GALNTL6: variants seen among roughly 807,000 people sequenced by gnomAD.
The protein encoded by GALNTL6 is polypeptide N-acetylgalactosaminyltransferase like 6, also known as polypeptide N-acetylgalactosaminyltransferase-like 6.
In GALNTL6, 46 loss-of-function variants were observed where a neutral mutation model predicts 73.7. The observed-to-expected ratio is 0.62, with a 90% confidence interval of 0.49 to 0.80. GALNTL6 has a LOEUF of 0.80. Among genes scored for constraint, GALNTL6 ranks in the 30% least tolerant of loss-of-function variants. The pLI is 0.00. For synonymous variants in GALNTL6, 259 were observed against 263.7 expected, an observed-to-expected ratio of 0.98 and a Z score of 0.17; for missense variants, 604 against 755.0, an observed-to-expected ratio of 0.80 and a Z score of 2.34.
chr4:172,647,188 T>C (rs1182098625), intron 5 of GALNTL6, among the ~76,000 whole-genome samples: 1 of 152,056 alleles, frequency 6.6e-6, no homozygotes, highest in Non-Finnish European at 1.5e-5. Flanking sequence ...CCTCATTCCC[T>C]TTCACCCAGA....
chr4:171,986,966 C>G (rs574553355), intron 2 of GALNTL6, among the ~76,000 whole-genome samples: 1 of 152,106 alleles, frequency 6.6e-6, no homozygotes, highest in Admixed American at 6.5e-5. Context: ...TAAACAAGAG[C>G]AGGGCATGTA....
chr4:172,852,424 G>A (rs189264690), intron 7 of GALNTL6, among the ~76,000 whole-genome samples: 284 of 152,192 alleles, frequency 1.9e-3, no homozygotes, highest in Non-Finnish European at 2.1e-3. Context: ...CCCACATCCC[G>A]TTGACTTAAA....
intron 2 of GALNTL6, among the ~76,000 whole-genome samples, chr4:172,005,493 C>G (rs1052090504): frequency 2.6e-5 from 4 of 151,950 alleles, no homozygotes; most frequent in Admixed American, 2.0e-4. Context: ...GAGAATAAAC[C>G]CTACACTACA....
At chr4:171,961,085 C>T (rs955281237) in intron 2 of GALNTL6, among the ~76,000 whole-genome samples, 15 of 152,050 alleles carry the variant, frequency 9.9e-5, no homozygotes, top group Non-Finnish European at 4.4e-5. Context: ...TGGAAAACCA[C>T]AAAAGGAAAA....
intron 7 of GALNTL6, among the ~76,000 whole-genome samples, chr4:172,826,921 C>A (rs938635613): frequency 1.3e-5 from 2 of 152,360 alleles, no homozygotes; most frequent in Middle Eastern, 3.4e-3. Context: ...GCTCACCTTT[C>A]CTCCATTCTC....
At chr4:172,975,141 G>T (rs888807265) in intron 10 of GALNTL6, among the ~76,000 whole-genome samples, 2 of 152,202 alleles carry the variant, frequency 1.3e-5, no homozygotes, top group African/African-American at 4.8e-5. Context: ...TTTTTGTCCT[G>T]CATCCAGGAA....
intron 5 of GALNTL6, among the ~76,000 whole-genome samples, chr4:172,543,736 C>T (rs901249921): frequency 5.3e-5 from 8 of 152,154 alleles, no homozygotes; most frequent in Non-Finnish European, 8.8e-5. Flanking sequence ...TTTGCCCTTC[C>T]GCTATCTGTA....
intron 5 of GALNTL6, among the ~76,000 whole-genome samples, chr4:172,378,303 A>G (rs1389095609): frequency 6.6e-6 from 1 of 152,208 alleles, no homozygotes; most frequent in Non-Finnish European, 1.5e-5. Flanking sequence ...AGGGAAGCCG[A>G]TTCAAGGAAA....
At position 172,126,726 on chromosome 4, in the gene GALNTL6, A is replaced by T. The variant is rs538267670; in HGVS notation, c.139-102930A>T. On this transcript the variant is annotated intron_variant, in intron 2 of 12. Transcript: ENST00000506823. ...GCATTGCTCAAGAGAGGGAGCTCAC[A>T]CTGGGTTTCACACAATCTCAGCCCA... is the stretch of plus-strand genomic sequence containing the variant. Among the ~76,000 whole-genome samples the T allele has an allele frequency of 3.9e-5, 6 of 152,292 alleles. No homozygotes were observed. The South Asian group carries it at 1.0e-3, about 26-fold the overall frequency.
chr4:172,221,064 T>C lies in GALNTL6; in HGVS notation c.139-8592T>C, dbSNP rs140840993. Among the ~76,000 whole-genome samples the C allele has an allele frequency of 7.2e-5, 11 of 151,996 alleles. No individual in the cohort carries two copies. The East Asian group carries it at 2.1e-3, about 29-fold the overall frequency. On this transcript the variant is annotated intron_variant, in intron 2 of 12. Transcript: ENST00000506823. ...TTCTGGTTCTTGTACTATCAAGCTGTCTATTTTGGTAGTAGATATATGAAA... is the reference window on the plus strand; with the variant it reads ...TTCTGGTTCTTGTACTATCAAGCTGCCTATTTTGGTAGTAGATATATGAAA...
chr4:172,284,754 C>T (rs1739189233), intron 3 of GALNTL6, among the ~76,000 whole-genome samples: 1 of 152,102 alleles, frequency 6.6e-6, no homozygotes. Flanking sequence ...TTCCTTTCCC[C>T]AGTGTATGTC....
intron 5 of GALNTL6, among the ~76,000 whole-genome samples, chr4:172,560,291 A>G (rs1000291778): frequency 6.6e-6 from 1 of 151,890 alleles, no homozygotes; most frequent in African/African-American, 2.4e-5. Context: ...CCTGGTCACC[A>G]TAGGGAGACC....
intron 2 of GALNTL6, among the ~76,000 whole-genome samples, chr4:171,849,090 GA>G (rs765854083): frequency 6.6e-6 from 1 of 152,184 alleles, no homozygotes; most frequent in Non-Finnish European, 1.5e-5. Flanking sequence ...TGGCACAAGA[GA>G]CCCAGCTTGG....
At chr4:172,353,128 A>G (rs1443801159) in intron 5 of GALNTL6, among the ~76,000 whole-genome samples, 1 of 152,034 alleles carries the variant, frequency 6.6e-6, no homozygotes, top group Non-Finnish European at 1.5e-5. Context: ...TTTCAAAATC[A>G]CTGTCATGCA....
At chr4:172,238,902 T>C (rs1402532532) in intron 3 of GALNTL6, among the ~76,000 whole-genome samples, 1 of 152,190 alleles carries the variant, frequency 6.6e-6, no homozygotes, top group South Asian at 2.1e-4. Flanking sequence ...ATGAATCACA[T>C]TTATTGATTT....
chr4:172,574,834 GT>G (rs1226945082), intron 5 of GALNTL6, among the ~76,000 whole-genome samples: 2 of 151,766 alleles, frequency 1.3e-5, no homozygotes, highest in Non-Finnish European at 2.9e-5. Flanking sequence ...GATATTTCTG[GT>G]TTTACTACTT....
At position 172,504,635 on chromosome 4, in the gene GALNTL6, AAG is replaced by A. The variant is rs1418836102; in HGVS notation, c.553+155948_553+155949del. ...TAAATGCTCTAAAAAAAAAAAAAAAAAGAAGTAATGGGGGGATGGAGTCTCTC... is the reference window on the plus strand; with the variant it reads ...TAAATGCTCTAAAAAAAAAAAAAAAAAAGTAATGGGGGGATGGAGTCTCTC... On this transcript the variant is annotated intron_variant, in intron 5 of 12. Transcript: ENST00000506823. Among the ~76,000 whole-genome samples the A allele has an allele frequency of 5.7e-5, 3 of 52,348 alleles. 1 individual carries two copies. The highest frequency in any genetic ancestry group is 1.3e-4 in the Non-Finnish European group (3 of 23,186). 34.3% of individuals were successfully genotyped at this position (52,348 alleles called of 152,430 possible). A position where few individuals can be genotyped will look rare whatever the true frequency, so the allele number is the denominator to read the frequency against.
At chr4:172,788,077 G>A (rs933607896) in intron 5 of GALNTL6, among the ~76,000 whole-genome samples, 1 of 152,124 alleles carries the variant, frequency 6.6e-6, no homozygotes, top group Non-Finnish European at 1.5e-5. Flanking sequence ...TGGGCATGGT[G>A]GTGCATGCCT....
At chr4:172,170,662 C>T (rs1216425792) in intron 2 of GALNTL6, among the ~76,000 whole-genome samples, 1 of 151,964 alleles carries the variant, frequency 6.6e-6, no homozygotes, top group African/African-American at 2.4e-5. Flanking sequence ...ACCGGCATTC[C>T]ACCAAACCCG....
Sources: allele counts gnomAD v4.1 joint callset (sites outside exome capture counted in the v4.1 genomes callset), GRCh38; gene constraint gnomAD v4.1.1; transcripts MANE v1.5; gene names NCBI Gene and HGNC (gene_info 2026-07-23, HGNC 2026-07-21).